The following VPS53 variants were observed in gnomAD, a reference collection of about 807,000 sequenced individuals.
VPS53 encodes VPS53 subunit of GARP complex.
Under a neutral mutation model 107.0 loss-of-function variants are expected in VPS53, and 70 were observed. The ratio of observed to expected loss-of-function variants is 0.65; its 90% confidence interval spans 0.54 to 0.80. The LOEUF is 0.80. VPS53 is among the 30% of genes least tolerant of loss of function. The pLI, the probability that VPS53 is intolerant of heterozygous loss-of-function variation, is 0.00. For synonymous variants in VPS53, 409 were observed against 393.3 expected, an observed-to-expected ratio of 1.04 and a Z score of -0.47; for missense variants, 917 against 1,049.4, an observed-to-expected ratio of 0.87 and a Z score of 1.74.
intron 13 of VPS53, among the ~76,000 whole-genome samples, chr17:585,613 G>A (rs986467783): frequency 6.6e-6 from 1 of 152,188 alleles, no homozygotes; most frequent in Non-Finnish European, 1.5e-5. Flanking sequence ...CTGCACCCCA[G>A]CCTGGGGGAC....
chr17:682,679 G>A (rs1972443449), intron 4 of VPS53, among the ~76,000 whole-genome samples: 1 of 151,898 alleles, frequency 6.6e-6, no homozygotes. Context: ...AAAAAATGGG[G>A]GCACTCTCTC....
intron 4 of VPS53, among the ~76,000 whole-genome samples, chr17:663,522 A>G (rs968872664): frequency 6.6e-6 from 1 of 151,922 alleles, no homozygotes; most frequent in Non-Finnish European, 1.5e-5. Context: ...GACTACCTAC[A>G]GCTAAAGTAC....
intron 13 of VPS53, among the ~76,000 whole-genome samples, chr17:571,392 G>T (rs2151864833): frequency 6.6e-6 from 1 of 152,288 alleles, no homozygotes; most frequent in East Asian, 1.9e-4. Flanking sequence ...CTGGATGAAG[G>T]CTATACAAGG....
At chr17:662,729 G>A (rs1333829286) in intron 4 of VPS53, among the ~76,000 whole-genome samples, 2 of 107,916 alleles carry the variant, frequency 1.9e-5, no homozygotes, top group Non-Finnish European at 2.0e-5. Flanking sequence ...AAGAAGAAGG[G>A]AGAGAAAGAG....
rs1253907607 is a variant in VPS53 at position 518,277 on chromosome 17, G to A, written c.*851C>T. On this transcript the variant is annotated 3_prime_UTR_variant, in exon 22 of 22. Coordinates refer to ENST00000437048, the MANE Select transcript of VPS53 (RefSeq NM_001128159.3). Reference sequence around the variant, plus strand: ...TGCTGCAGAGAGCCCGCGGTGGACAGGAAGGGCGGGGGGGGCGGGCAGGCT... The same window carrying A: ...TGCTGCAGAGAGCCCGCGGTGGACAAGAAGGGCGGGGGGGGCGGGCAGGCT... The A allele has an allele frequency of 1.5e-5, 2 of 134,296 alleles. No homozygotes were observed. Among genetic ancestry groups the A allele is most frequent in the East Asian group, 4.8e-4 (2 of 4,206 alleles). 8.3% of individuals were successfully genotyped at this position (134,296 alleles called of 1,614,324 possible). A position where few individuals can be genotyped will look rare whatever the true frequency, so the allele number is the denominator to read the frequency against.
intron 15 of VPS53, among the ~76,000 whole-genome samples, chr17:555,427 G>C (rs1221502031): frequency 2.6e-5 from 4 of 152,038 alleles, no homozygotes; most frequent in African/African-American, 9.7e-5. Context: ...TCAAACTCCT[G>C]ACCTCGTGAT....
chr17:605,066 T>C (rs1343606924), intron 11 of VPS53, among the ~76,000 whole-genome samples: 1 of 151,100 alleles, frequency 6.6e-6, no homozygotes, highest in Non-Finnish European at 1.5e-5. Context: ...AAAGAAAAGA[T>C]GTCTGAGCCA....
At chr17:624,933 C>T (rs1969626441) in intron 10 of VPS53, among the ~76,000 whole-genome samples, 2 of 149,024 alleles carry the variant, frequency 1.3e-5, no homozygotes, top group Admixed American at 1.3e-4. Flanking sequence ...CCCTTCCACT[C>T]GCCCTCCCTC....
chr17:534,917 C>CA (rs11376185), intron 18 of VPS53, among the ~76,000 whole-genome samples: 43,696 of 121,696 alleles, frequency 0.36, 7,122 homozygotes, highest in South Asian at 0.52. Context: ...GACCCTGTAT[C>CA]AAAAAAAAAA....
chr17:622,776 C>A (rs1310612866), intron 11 of VPS53, among the ~76,000 whole-genome samples: 1 of 151,944 alleles, frequency 6.6e-6, no homozygotes, highest in Non-Finnish European at 1.5e-5. Context: ...TCATAGCTCA[C>A]TGCAGCCTCA....
In VPS53 at chr17:661,913, C is replaced by T. The variant is rs1437753333; in HGVS notation, c.286-18G>A. 21 of 1,545,496 alleles carry T rather than the reference C, an allele frequency of 1.4e-5. 1 individual carries two copies. The East Asian group carries it at 5.1e-4, about 38-fold the overall frequency. On this transcript the variant is annotated intron_variant, in intron 4 of 21. Transcript: ENST00000437048. ...TCAAGCGCCTAGAGTAAGGGAAATA[C>T]ATGAAAAACAAAAAGTGGCTAGAGA...
chr17:573,163 G>T (rs1011658440), intron 13 of VPS53, among the ~76,000 whole-genome samples: 40 of 152,354 alleles, frequency 2.6e-4, no homozygotes, highest in African/African-American at 9.1e-4. Flanking sequence ...CAGATATGGA[G>T]TCACCAGTAA....
At chr17:652,397 G>A (rs1042768329) in intron 7 of VPS53, among the ~76,000 whole-genome samples, 2 of 152,206 alleles carry the variant, frequency 1.3e-5, no homozygotes, top group Admixed American at 1.3e-4. Context: ...GTGGGTGGGA[G>A]AAGACTATGT....
intron 13 of VPS53, among the ~76,000 whole-genome samples, chr17:572,897 G>A (rs1041750190): frequency 6.6e-6 from 1 of 151,336 alleles, no homozygotes; most frequent in Non-Finnish European, 1.5e-5. Context: ...ACTGCGGAAG[G>A]CCTCAGGGTC....
At chr17:557,339 G>C (rs970373573) in intron 15 of VPS53, among the ~76,000 whole-genome samples, 2 of 152,136 alleles carry the variant, frequency 1.3e-5, no homozygotes, top group African/African-American at 2.4e-5. Context: ...ACAGTCATTA[G>C]ATAAGGCCCC....
chr17:647,612 C>T (rs922876484), intron 7 of VPS53, among the ~76,000 whole-genome samples: 6 of 152,112 alleles, frequency 3.9e-5, no homozygotes, highest in Admixed American at 2.6e-4. Flanking sequence ...TGTTCGCCTG[C>T]TTTCTTGGCT....
intron 4 of VPS53, among the ~76,000 whole-genome samples, chr17:682,502 G>C (rs1972435262): frequency 6.6e-6 from 1 of 152,086 alleles, no homozygotes; most frequent in African/African-American, 2.4e-5. Flanking sequence ...AGGAAGACGG[G>C]GGTGCCACAC....
rs1908303586 is a variant in VPS53 at position 516,248 on chromosome 17, A to T, written c.*2880T>A. 6.6e-6 allele frequency: 1 copy of T among 152,148 alleles called. No homozygotes were observed. Among genetic ancestry groups the T allele is most frequent in the Non-Finnish European group, 1.5e-5 (1 of 68,018 alleles). 9.4% of individuals were successfully genotyped at this position (152,148 alleles called of 1,614,324 possible). A position where few individuals can be genotyped will look rare whatever the true frequency, so the allele number is the denominator to read the frequency against. On this transcript the variant is annotated 3_prime_UTR_variant, in exon 22 of 22. Transcript: ENST00000437048. ...ATGCGTGGCAGGAGCCCTTCCATAA[A>T]GCAAATCTCTCTGTTGCAGTGGTTC...
intron 13 of VPS53, among the ~76,000 whole-genome samples, chr17:565,403 C>CAAAAAA (rs535932031): frequency 1.2e-5 from 1 of 82,532 alleles, no homozygotes; most frequent in Non-Finnish European, 2.3e-5. Context: ...AACCCCATCT[C>CAAAAAA]AAAAAAAAAA....
Sources: gnomAD v4.1 joint callset for allele counts (sites outside exome capture counted in the v4.1 genomes callset) on GRCh38, gnomAD v4.1.1 for gene constraint, MANE v1.5 for transcripts, NCBI Gene and HGNC (gene_info 2026-07-23, HGNC 2026-07-21) for gene names.